The following PHC1 variants were observed in gnomAD, a reference collection of about 807,000 sequenced individuals.
The protein encoded by PHC1 is polyhomeotic-like protein 1.
In PHC1, 12 loss-of-function variants were observed where a neutral mutation model predicts 104.3. The observed-to-expected ratio is 0.12, with a 90% CI of 0.07 to 0.19. PHC1 has a LOEUF of 0.19. Ranked by LOEUF, PHC1 falls within the 10% of genes least tolerant of loss-of-function variation. The probability of loss-of-function intolerance (pLI) is 1.00; values close to 1 mark genes in which losing one functional copy is unlikely to be tolerated. For synonymous variants in PHC1, 302 were observed against 455.8 expected, an observed-to-expected ratio of 0.66 and a Z score of 4.30; for missense variants, 671 against 1,200.0, an observed-to-expected ratio of 0.56 and a Z score of 6.51.
Position 8,917,621 on chromosome 12 carries a change from TC to T in PHC1, c.-48-6del. On this transcript the variant is annotated splice_polypyrimidine_tract_variant and splice_region_variant and intron_variant, in intron 1 of 14. Coordinates refer to ENST00000544916, the MANE Select transcript of PHC1 (RefSeq NM_004426.3). ...ATATAAATTTTAACCTTTTACTGCT[TC>T]CCTCTAGGTCTTGAGTCAGACAGAG... The T allele has an allele frequency of 1.3e-6, 1 of 743,488 alleles. No individual in the cohort carries two copies. Among genetic ancestry groups the T allele is most frequent in the Middle Eastern group, 2.6e-4 (1 of 3,812 alleles). 46.1% of individuals were successfully genotyped at this position (743,488 alleles called of 1,614,324 possible). A position where few individuals can be genotyped will look rare whatever the true frequency, so the allele number is the denominator to read the frequency against.
rs772600318 is a variant in PHC1 at position 8,939,923 on chromosome 12, C to A, written c.*464C>A. The A allele has an allele frequency of 2.2e-6, 1 of 456,664 alleles. No homozygotes were observed. Among genetic ancestry groups the A allele is most frequent in the Admixed American group, 2.3e-5 (1 of 42,588 alleles). 28.3% of individuals were successfully genotyped at this position (456,664 alleles called of 1,614,324 possible). ...AGAAGTAGCAAAATCTGGTCCTCCC[C>A]CCTCCCAGTGTAGCTGTGGCTCAGA... is the stretch of plus-strand genomic sequence containing the variant. On this transcript the variant is annotated 3_prime_UTR_variant, in exon 15 of 15. Coordinates refer to ENST00000544916, the MANE Select transcript of PHC1 (RefSeq NM_004426.3).
intron 14 of PHC1, among the ~76,000 whole-genome samples, chr12:8,938,951 G>A (rs772337449): frequency 2.0e-5 from 3 of 152,058 alleles, no homozygotes; most frequent in Non-Finnish European, 2.9e-5. Context: ...TCAGCTTCCC[G>A]AGTAGCTGGG....
At position 8,920,990 on chromosome 12, in the gene PHC1, A is replaced by C; in HGVS notation, c.231A>C (p.Thr77=). Residue 77 remains threonine, a synonymous_variant, in exon 4 of 15, where the codon ACA becomes ACC. Transcript: ENST00000544916. The stretch of plus-strand genomic sequence containing the variant: ...TTTCCCTTCCCCTTTAATAGGCCAC[A>C]ATTGCTGCCAGTCGGCAGGCCAGCT... ...LHSLAAVQQA[T]IAASRQASSP... is the part of the protein sequence containing the mutation. 2 of 1,611,588 alleles carry C rather than the reference A, an allele frequency of 1.2e-6. No homozygotes were observed. The highest frequency in any genetic ancestry group is 1.7e-6 in the Non-Finnish European group (2 of 1,178,988).
intron 13 of PHC1, among the ~76,000 whole-genome samples, chr12:8,937,555 T>A (rs1945874906): frequency 6.6e-6 from 1 of 152,126 alleles, no homozygotes; most frequent in African/African-American, 2.4e-5. Flanking sequence ...AGTACAATTG[T>A]TAATTGTACT....
chr12:8,922,562 T>G, intron 5 of PHC1, 71 bp from the exon 6 acceptor site: 3 of 1,363,634 alleles, frequency 2.2e-6, no homozygotes, highest in Non-Finnish European at 3.0e-6. Flanking sequence ...CTTGTGGTCC[T>G]TCCTTTCCAT....
intron 6 of PHC1, among the ~76,000 whole-genome samples, chr12:8,927,902 TTTCTTTCTTTC>T (rs1236409848): frequency 0.019 from 2,221 of 117,440 alleles, 56 homozygotes; most frequent in Middle Eastern, 0.042. Flanking sequence ...TCTTTCTTTC[TTTCTTTCTTTC>T]TTTTTTTTTT....
chr12:8,933,625 G>C, intron 8 of PHC1: 2 of 602,982 alleles, frequency 3.3e-6, no homozygotes, highest in Non-Finnish European at 5.6e-6. Context: ...AACAGTTCTT[G>C]GTTGGTCTAC....
At chr12:8,925,380 T>C (rs937405689) in intron 6 of PHC1, among the ~76,000 whole-genome samples, 2 of 152,168 alleles carry the variant, frequency 1.3e-5, no homozygotes, top group African/African-American at 4.8e-5. Flanking sequence ...TTTGTGGAGC[T>C]CACAGACCAT....
In PHC1 at chr12:8,926,535, C is replaced by T. The variant is rs747785334; in HGVS notation, c.612+3747C>T. 2.2e-3 allele frequency among the ~76,000 whole-genome samples: 330 copies of T among 152,172 alleles called. 6 individuals carry two copies. The highest frequency in any genetic ancestry group is 1.5e-4 in the Non-Finnish European group (10 of 68,012). On this transcript the variant is annotated intron_variant, in intron 6 of 14. Coordinates refer to ENST00000544916, the MANE Select transcript of PHC1 (RefSeq NM_004426.3). ...ACTTGGGAGGCTGAGGAAGGAGAATCACTTGAACCTGGGAGGTGGAGGTTG... is the reference window on the plus strand; with the variant it reads ...ACTTGGGAGGCTGAGGAAGGAGAATTACTTGAACCTGGGAGGTGGAGGTTG...
At chr12:8,923,829 C>A (rs78822520) in intron 6 of PHC1, among the ~76,000 whole-genome samples, 1,240 of 121,950 alleles carry the variant, frequency 0.01, no homozygotes, top group African/African-American at 0.019. Context: ...GACTCCGTCT[C>A]AAAAAAAAAA....
intron 6 of PHC1, among the ~76,000 whole-genome samples, chr12:8,929,132 C>G (rs1296809647): frequency 1.3e-5 from 2 of 152,178 alleles, no homozygotes; most frequent in Non-Finnish European, 2.9e-5. Context: ...TTGATTTATA[C>G]TTCAATCAGA....
intron 6 of PHC1, among the ~76,000 whole-genome samples, chr12:8,927,182 GAA>G (rs1189820505): frequency 6.6e-6 from 1 of 152,242 alleles, no homozygotes; most frequent in Non-Finnish European, 1.5e-5. Flanking sequence ...TGTAGAGAGA[GAA>G]AGAAAGATGG....
chr12:8,934,694 T>G (rs1945785513), intron 10 of PHC1, among the ~76,000 whole-genome samples: 1 of 152,220 alleles, frequency 6.6e-6, no homozygotes. Context: ...GAAAGTAACC[T>G]TTAAAACTGT....
chr12:8,939,385 A>G lies in PHC1; in HGVS notation c.2941A>G (p.Met981Val). The G allele has an allele frequency of 6.2e-7, 1 of 1,601,128 alleles. No homozygotes were observed. The highest frequency in any genetic ancestry group is 2.2e-5 in the East Asian group (1 of 44,788). The change falls in exon 15 of 15, where the codon ATG becomes GTG. Residue 981 changes from methionine (M) to valine (V), a missense_variant. Physicochemically the swap from Met to Val is conservative, Grantham distance 21. Coordinates refer to ENST00000544916, the MANE Select transcript of PHC1 (RefSeq NM_004426.3). ...ALLLLKEEHL[M>V]SAMNIKLGPA... ...TTTATTACTTAAAGAAGAACATCTT[A>G]TGAGTGCCATGAACATCAAGCTGGG...
At position 8,937,164 on chromosome 12, in the gene PHC1, C is replaced by T; in HGVS notation, c.2478-12C>T. The T allele has an allele frequency of 6.2e-7, 1 of 1,607,886 alleles. No individual in the cohort carries two copies. The highest frequency in any genetic ancestry group is 8.5e-7 in the Non-Finnish European group (1 of 1,176,820). Reference sequence around the variant, plus strand: ...GGCACTATTGACATCCTATATATGCCCTGTCCTGTAGGTACAATGTGAGCT... The same window carrying T: ...GGCACTATTGACATCCTATATATGCTCTGTCCTGTAGGTACAATGTGAGCT... On this transcript the variant is annotated splice_polypyrimidine_tract_variant and intron_variant, in intron 12 of 14. Transcript: ENST00000544916.
chr12:8,939,056 G>A (rs1336189386), intron 14 of PHC1, among the ~76,000 whole-genome samples: 1 of 152,228 alleles, frequency 6.6e-6, no homozygotes, highest in Non-Finnish European at 1.5e-5. Context: ...GAACTCCTGA[G>A]CTCAAGTGAT....
intron 7 of PHC1, among the ~76,000 whole-genome samples, chr12:8,931,902 C>G (rs1035962393): frequency 6.6e-6 from 1 of 152,144 alleles, no homozygotes; most frequent in African/African-American, 2.4e-5. Flanking sequence ...ATTGCTTTAT[C>G]ATCACATGCT....
intron 12 of PHC1, 52 bp downstream of exon 12, chr12:8,937,016 G>T: frequency 7.1e-7 from 1 of 1,410,468 alleles, no homozygotes. Context: ...TCCATCTAAT[G>T]TTACACCCCT....
intron 6 of PHC1, among the ~76,000 whole-genome samples, chr12:8,928,015 T>C (rs1031002848): frequency 6.6e-6 from 1 of 151,734 alleles, no homozygotes; most frequent in African/African-American, 2.4e-5. Context: ...CAAGCGATTC[T>C]TGTACCTCAG....
Sources: allele counts gnomAD v4.1 joint callset (sites outside exome capture counted in the v4.1 genomes callset), GRCh38; gene constraint gnomAD v4.1.1; transcripts MANE v1.5; gene names NCBI Gene and HGNC (gene_info 2026-07-23, HGNC 2026-07-21).